IKZF3: variants seen among roughly 807,000 people sequenced by gnomAD.
IKZF3 encodes IKAROS family zinc finger 3, also known as zinc finger protein Aiolos.
A neutral mutation model predicts 49.0 loss-of-function variants in IKZF3; 10 were observed. The ratio of observed to expected loss-of-function variants is 0.20; its 90% CI spans 0.13 to 0.35. The LOEUF (loss-of-function observed/expected upper bound fraction) is 0.35. Among genes scored for constraint, IKZF3 ranks in the 10% least tolerant of loss-of-function variants. IKZF3 has a pLI of 1.00. For missense variants in IKZF3, 498 were observed against 664.8 expected, an observed-to-expected ratio of 0.75 and a Z score of 2.76; for synonymous variants, 209 against 228.2, an observed-to-expected ratio of 0.92 and a Z score of 0.76.
intron 6 of IKZF3, among the ~76,000 whole-genome samples, chr17:39,783,557 C>G (rs922698362): frequency 2.0e-5 from 3 of 152,100 alleles, no homozygotes; most frequent in Non-Finnish European, 4.4e-5. Context: ...CCTGACCTCG[C>G]GATCCGCCCA....
At chr17:39,820,629 G>GT (rs1292897432) in intron 3 of IKZF3, among the ~76,000 whole-genome samples, 1 of 152,092 alleles carries the variant, frequency 6.6e-6, no homozygotes, top group Admixed American at 6.6e-5. Context: ...GTTTTGTTTT[G>GT]TTTTTCTCAC....
chr17:39,818,654 A>C (rs1353746449), intron 3 of IKZF3, among the ~76,000 whole-genome samples: 2 of 152,136 alleles, frequency 1.3e-5, no homozygotes, highest in African/African-American at 4.8e-5. Context: ...GTTTGAGACC[A>C]GTCTGGCCAT....
chr17:39,811,685 T>C (rs1387562419), intron 3 of IKZF3, among the ~76,000 whole-genome samples: 1 of 152,216 alleles, frequency 6.6e-6, no homozygotes, highest in African/African-American at 2.4e-5. Context: ...TTCACTTTAG[T>C]TAATGAACCA....
chr17:39,791,578 G>A lies in IKZF3; in HGVS notation c.430C>T (p.Arg144Cys), dbSNP rs267604835. ...CCACACTGATTACACTGGAATGGGC[G>A]TTCACCTTTAAAAAGGACAAAAAAG... Reference protein sequence around the residue: ...MVHKRSHTGERPFQCNQCGAS... With the variant: ...MVHKRSHTGECPFQCNQCGAS... The change falls in exon 5 of 8, where the codon CGC becomes TGC. Residue 144 changes from arginine (R) to cysteine (C), a missense_variant. By Grantham distance (180) the Arg-to-Cys change is radical. This residue lies in a region of IKZF3 where 84 missense variants were observed against 168.6 expected (regional missense o/e 0.50). Coordinates refer to ENST00000346872, the MANE Select transcript of IKZF3 (RefSeq NM_012481.5). 1.2e-6 allele frequency: 2 copies of A among 1,613,896 alleles called. No homozygotes were observed. Among genetic ancestry groups the A allele is most frequent in the Admixed American group, 1.7e-5 (1 of 60,020 alleles).
chr17:39,798,317 C>A (rs1487377383), intron 3 of IKZF3, among the ~76,000 whole-genome samples: 1 of 152,142 alleles, frequency 6.6e-6, no homozygotes, highest in Non-Finnish European at 1.5e-5. Context: ...CCACTGCCAA[C>A]AAAATAAAGT....
At chr17:39,841,874 G>C (rs1004116093) in intron 1 of IKZF3, among the ~76,000 whole-genome samples, 5 of 151,650 alleles carry the variant, frequency 3.3e-5, no homozygotes, top group Non-Finnish European at 7.4e-5. Flanking sequence ...GTGAGACCCT[G>C]TCTCTACAAA....
Position 39,761,581 on chromosome 17 carries a change from A to ATATATATATATAC in IKZF3, c.*4208_*4209insGTATATATATATA, listed in dbSNP as rs1567944278. 4 of 147,048 alleles carry ATATATATATATAC rather than the reference A, an allele frequency of 2.7e-5. No individual in the cohort carries two copies. Among genetic ancestry groups the ATATATATATATAC allele is most frequent in the African/African-American group, 1.1e-4 (4 of 37,824 alleles). 9.1% of individuals were successfully genotyped at this position (147,048 alleles called of 1,614,324 possible). On this transcript the variant is annotated 3_prime_UTR_variant, in exon 8 of 8. Coordinates refer to ENST00000346872, the MANE Select transcript of IKZF3 (RefSeq NM_012481.5). ...ATACATACATATATATACATATACA[A>ATATATATATATAC]AAAAAATAAAAATAAATTAAAAAAT...
At chr17:39,839,500 TC>T in intron 1 of IKZF3, 2 of 567,728 alleles carry the variant, frequency 3.5e-6, no homozygotes, top group South Asian at 2.8e-5. Context: ...AATCACTTAA[TC>T]CTGAAAGTCT....
chr17:39,855,575 T>C (rs188668974), intron 1 of IKZF3, among the ~76,000 whole-genome samples: 228 of 152,352 alleles, frequency 1.5e-3, no homozygotes, highest in African/African-American at 5.2e-3. Flanking sequence ...ATTCCTTTTA[T>C]TGAGATGTGC....
intron 6 of IKZF3, among the ~76,000 whole-genome samples, chr17:39,779,762 T>G (rs1302333073): frequency 6.6e-6 from 1 of 150,914 alleles, no homozygotes; most frequent in Admixed American, 6.6e-5. Context: ...TCACCTGCCC[T>G]GGGCAAACAT....
At chr17:39,780,666 G>A (rs2060718832) in intron 6 of IKZF3, among the ~76,000 whole-genome samples, 1 of 151,842 alleles carries the variant, frequency 6.6e-6, no homozygotes, top group East Asian at 1.9e-4. Context: ...CCAAAGCTCA[G>A]CTTTTTTTTT....
chr17:39,783,816 C>A (rs2060804452), intron 6 of IKZF3, among the ~76,000 whole-genome samples: 1 of 152,270 alleles, frequency 6.6e-6, no homozygotes, highest in East Asian at 1.9e-4. Context: ...GTAATCCCAG[C>A]TACTCAGTAG....
chr17:39,825,295 T>C (rs1282989788), intron 3 of IKZF3, among the ~76,000 whole-genome samples: 4 of 151,986 alleles, frequency 2.6e-5, no homozygotes, highest in African/African-American at 9.7e-5. Context: ...ACAAAGAAAA[T>C]TAGAACAAGG....
In IKZF3 at chr17:39,813,545, C is replaced by T. The variant is rs183785203; in HGVS notation, c.163+15842G>A. Among the ~76,000 whole-genome samples the T allele has an allele frequency of 1.7e-3, 260 of 151,258 alleles. 2 individuals are homozygous for T. The highest frequency in any genetic ancestry group is 6.1e-3 in the African/African-American group (251 of 41,180). On this transcript the variant is annotated intron_variant, in intron 3 of 7. Coordinates refer to ENST00000346872, the MANE Select transcript of IKZF3 (RefSeq NM_012481.5). ...TGTAGTCACAGCTACTCTGGAGTCT[C>T]GGGTGGGAGGATCACTTGAGCCTGG...
At chr17:39,777,851 G>A in intron 6 of IKZF3, 84 bp from the exon 7 acceptor site, 1 of 1,553,244 alleles carries the variant, frequency 6.4e-7, no homozygotes, top group South Asian at 1.2e-5. Flanking sequence ...AAGGAGAAGT[G>A]TCCGAAGTTG....
Position 39,860,202 on chromosome 17 carries a change from G to A in IKZF3, c.7+3918C>T, listed in dbSNP as rs1358208936. ...GAGGATCGTCTGAGCCTAGGAGTTT[G>A]TGGTAGCCTGGGCAACAGAGCAAGG... On this transcript the variant is annotated intron_variant, in intron 1 of 7. Coordinates refer to ENST00000346872, the MANE Select transcript of IKZF3 (RefSeq NM_012481.5). Among the ~76,000 whole-genome samples the A allele has an allele frequency of 2.0e-5, 3 of 151,968 alleles. No individual in the cohort carries two copies. In the East Asian group the frequency reaches 5.8e-4, roughly 29 times the overall value.
intron 3 of IKZF3, among the ~76,000 whole-genome samples, chr17:39,827,994 T>C (rs2062002856): frequency 6.6e-6 from 1 of 152,182 alleles, no homozygotes; most frequent in Non-Finnish European, 1.5e-5. Context: ...CTGATATGAC[T>C]ATACAATTCT....
chr17:39,846,022 T>A (rs1409160717), intron 1 of IKZF3, among the ~76,000 whole-genome samples: 1 of 152,184 alleles, frequency 6.6e-6, no homozygotes, highest in Non-Finnish European at 1.5e-5. Context: ...ATAAAACCAT[T>A]TTCTTATTTC....
At chr17:39,790,436 T>C (rs2060989838) in intron 5 of IKZF3, among the ~76,000 whole-genome samples, 1 of 152,206 alleles carries the variant, frequency 6.6e-6, no homozygotes, top group Admixed American at 6.5e-5. Flanking sequence ...AATTATGATC[T>C]CTCATGGTGG....
Sources: gnomAD v4.1 joint callset for allele counts (sites outside exome capture counted in the v4.1 genomes callset) on GRCh38, gnomAD v4.1.1 for gene constraint, gnomAD v4.1.1 regional missense constraint, MANE v1.5 for transcripts, NCBI Gene and HGNC (gene_info 2026-07-23, HGNC 2026-07-21) for gene names.